Variants in RCCD1 observed in about 807,000 individuals in gnomAD.
RCCD1 encodes the protein RCC1 domain-containing protein 1.
RCCD1 carries 40 observed loss-of-function variants against 37.6 expected under a neutral mutation model. That is an observed-to-expected ratio of 1.06 (90% confidence interval 0.83 to 1.39). The LOEUF (loss-of-function observed/expected upper bound fraction) is 1.39, where lower values mean the gene tolerates loss of function less well. RCCD1 is among the 40% of genes most tolerant of loss of function. The pLI, the probability that RCCD1 is intolerant of heterozygous loss-of-function variation, is 0.00. For missense variants in RCCD1, 577 were observed against 517.3 expected (o/e 1.12, Z -1.12); for synonymous variants, 263 against 230.0 (o/e 1.14, Z -1.30).
chr15:90,956,807 C>T lies in RCCD1; in HGVS notation c.73C>T (p.Arg25Cys), dbSNP rs895895898. Residue 25 changes from arginine (R) to cysteine (C), a missense_variant, in exon 2 of 8, where the codon CGC becomes TGC. Physicochemically the swap from Arg to Cys is radical, Grantham distance 180. Coordinates refer to ENST00000394258, the MANE Select transcript of RCCD1 (RefSeq NM_001017919.2). ...CGFGQELGSG[R>C]GRQVHSPSPL... Reference sequence around the variant, plus strand: ...CTTCGGGCAGGAGCTGGGCTCCGGACGCGGGCGCCAGGTGCACAGCCCCAG... The same window carrying T: ...CTTCGGGCAGGAGCTGGGCTCCGGATGCGGGCGCCAGGTGCACAGCCCCAG... The T allele has an allele frequency of 2.3e-6, 3 of 1,309,530 alleles. No individual in the cohort carries two copies. Among genetic ancestry groups the T allele is most frequent in the Admixed American group, 3.2e-5 (1 of 30,954 alleles). 81.1% of individuals were successfully genotyped at this position (1,309,530 alleles called of 1,614,324 possible).
chr15:90,959,767 G>C (rs565199449), intron 4 of RCCD1, 133 bp from the exon 5 acceptor site: 3 of 609,764 alleles, frequency 4.9e-6, no homozygotes, highest in East Asian at 5.6e-5. Context: ...GAGGGGAAGC[G>C]CCTTGGCCTG....
Position 90,961,775 on chromosome 15 carries a change from G to A in RCCD1, c.*6G>A. On this transcript the variant is annotated 3_prime_UTR_variant, in exon 8 of 8. Transcript: ENST00000394258. The stretch of plus-strand genomic sequence containing the variant: ...TGGAGAAAGGGAAGAGCTGACATGT[G>A]TACGTATATGTATATGCAACACCTG... The A allele has an allele frequency of 6.2e-7, 1 of 1,611,430 alleles. No homozygotes were observed.
At chr15:90,957,807 T>A in intron 4 of RCCD1, 82 bp downstream of exon 4, 1 of 1,488,084 alleles carries the variant, frequency 6.7e-7, no homozygotes, top group Middle Eastern at 1.8e-4. Context: ...GGTGGGGGCC[T>A]ACCCAGGCCT....
chr15:90,956,356 C>A (rs1427662084), intron 1 of RCCD1, among the ~76,000 whole-genome samples: 1 of 152,148 alleles, frequency 6.6e-6, no homozygotes, highest in Non-Finnish European at 1.5e-5. Context: ...GTGCCAGATG[C>A]TGGGAAGCTG....
At chr15:90,956,110 C>CA (rs2037186647) in intron 1 of RCCD1, among the ~76,000 whole-genome samples, 1 of 152,140 alleles carries the variant, frequency 6.6e-6, no homozygotes, top group Admixed American at 6.5e-5. Context: ...CAGTTGGACT[C>CA]AGGTGGATTG....
At chr15:90,958,461 TA>T (rs915371522) in intron 4 of RCCD1, among the ~76,000 whole-genome samples, 3 of 149,652 alleles carry the variant, frequency 2.0e-5, no homozygotes, top group Admixed American at 6.7e-5. Context: ...ACCCCGTCTC[TA>T]AAAAAAAATA....
Position 90,957,196 on chromosome 15 carries a change from G to T in RCCD1, c.250G>T (p.Ala84Ser). ...CGCGTGGGCCTCGGAGGGGCTCCTC[G>T]CGGTGCTGCGCGCCGGGCCGGGGCC... ...KDAWASEGLL[A>S]VLRAGPGPEA... Residue 84 changes from alanine to serine, a missense_variant, in exon 3 of 8, where the codon GCG becomes TCG. Coordinates refer to ENST00000394258, the MANE Select transcript of RCCD1 (RefSeq NM_001017919.2). 1.4e-6 allele frequency: 2 copies of T among 1,396,200 alleles called. No homozygotes were observed. The highest frequency in any genetic ancestry group is 1.6e-5 in the South Asian group (1 of 62,326). The allele number at this position is 1,396,200 out of a possible 1,614,324, so 86.5% of individuals were successfully genotyped here. A position where few individuals can be genotyped will look rare whatever the true frequency, so the allele number is the denominator to read the frequency against.
At chr15:90,957,089 A>C in intron 2 of RCCD1, 24 bp from the exon 3 acceptor site, 1 of 1,333,760 alleles carries the variant, frequency 7.5e-7, no homozygotes, top group Admixed American at 4.0e-5. Flanking sequence ...CATTCTGGCC[A>C]CCCTGCTCCA....
rs1270594760 is a variant in RCCD1, at chr15:90,957,452, A to G, written c.506A>G (p.His169Arg). 11 of 1,540,270 alleles carry G rather than the reference A, an allele frequency of 7.1e-6. No homozygotes were observed. The highest frequency in any genetic ancestry group is 2.0e-5 in the Admixed American group (1 of 51,020). The change falls in exon 3 of 8, where the codon CAC becomes CGC. Residue 169 changes from histidine to arginine, a missense_variant. Coordinates refer to ENST00000394258, the MANE Select transcript of RCCD1 (RefSeq NM_001017919.2). ...CGCCAGCTGGAGCTGGGCGCCGAGC[A>G]CGCGTTGCTGCTGGACGCTGCTGGC... is the stretch of plus-strand genomic sequence containing the variant. ...RARQLELGAE[H>R]ALLLDAAGQV...
At position 90,957,562 on chromosome 15, in the gene RCCD1, C is replaced by A. The variant is rs757397663; in HGVS notation, c.558-42C>A. On this transcript the variant is annotated intron_variant, in intron 3 of 7. Coordinates refer to ENST00000394258, the MANE Select transcript of RCCD1 (RefSeq NM_001017919.2). ...ATTGGAGAAGCAAGCGGAGCGGGAC[C>A]CCTTAATGCGACTGTAGCTGACGAC... The A allele has an allele frequency of 1.1e-5, 17 of 1,612,688 alleles. No homozygotes were observed. The Admixed American group carries it at 2.8e-4, about 27-fold the overall frequency.
Position 90,961,681 on chromosome 15 carries a change from A to G in RCCD1, c.1043A>G (p.Tyr348Cys). The G allele has an allele frequency of 1.2e-6, 2 of 1,614,168 alleles. No homozygotes were observed. The highest frequency in any genetic ancestry group is 2.2e-5 in the South Asian group (2 of 91,090). The part of the protein sequence containing the change: ...TSLDRPRRVE[Y>C]FVDKQLQVKA... ...TTGGATCGGCCTCGCCGTGTGGAAT[A>G]CTTTGTAGATAAGCAACTCCAAGTA... The change falls in exon 8 of 8, where the codon TAC becomes TGC. Residue 348 changes from tyrosine (Y) to cysteine (C), a missense_variant. Transcript: ENST00000394258.
intron 1 of RCCD1, among the ~76,000 whole-genome samples, 160 bp from the exon 2 acceptor site, chr15:90,956,452 C>A (rs1454229743): frequency 1.3e-5 from 2 of 152,236 alleles, no homozygotes; most frequent in Non-Finnish European, 1.5e-5. Flanking sequence ...TTGTGGCACG[C>A]TGAGCTTGAG....
rs1411617124 is a variant in RCCD1 at position 90,957,170 on chromosome 15, A to T, written c.224A>T (p.Asp75Val). The T allele has an allele frequency of 1.5e-6, 2 of 1,374,484 alleles. No homozygotes were observed. Among genetic ancestry groups the T allele is most frequent in the Non-Finnish European group, 1.9e-6 (2 of 1,070,570 alleles). The allele number at this position is 1,374,484 out of a possible 1,614,324, so 85.1% of individuals were successfully genotyped here. A position where few individuals can be genotyped will look rare whatever the true frequency, so the allele number is the denominator to read the frequency against. Reference sequence around the variant, plus strand: ...AGCGGCGCGGCGGGCCGCTGCAAGGACGCGTGGGCCTCGGAGGGGCTCCTC... The same window carrying T: ...AGCGGCGCGGCGGGCCGCTGCAAGGTCGCGTGGGCCTCGGAGGGGCTCCTC... ...SASGAAGRCK[D>V]AWASEGLLAV... Residue 75 changes from aspartate to valine, a missense_variant, in exon 3 of 8, where the codon GAC becomes GTC. Asp to Val is a radical substitution (Grantham distance 152, BLOSUM62 -3). Transcript: ENST00000394258.
rs2037230077 is a variant in RCCD1 at position 90,957,684 on chromosome 15, C to T, written c.638C>T (p.Ala213Val). ...LLEALQGLVM[A>V]EVAAGGWHSV... ...GAGGCGTTGCAGGGCCTAGTCATGG[C>T]TGAGGTGGCCGCGGGGGGCTGGCAT... is the stretch of plus-strand genomic sequence containing the variant. The change falls in exon 4 of 8, where the codon GCT (alanine) becomes GTT (valine). Residue 213 changes from alanine (A) to valine (V), a missense_variant. Ala to Val is a moderately conservative substitution (Grantham distance 64). Transcript: ENST00000394258. The T allele has an allele frequency of 6.2e-7, 1 of 1,613,574 alleles. No homozygotes were observed. Among genetic ancestry groups the T allele is most frequent in the East Asian group, 2.2e-5 (1 of 44,868 alleles).
At position 90,959,179 on chromosome 15, in the gene RCCD1, T is replaced by C. The variant is rs374836671; in HGVS notation, c.680-721T>C. 9.9e-5 allele frequency among the ~76,000 whole-genome samples: 15 copies of C among 152,262 alleles called. No individual in the cohort carries two copies. The South Asian group carries it at 1.0e-3, about 11-fold the overall frequency. ...CTCTGTGCCTCAGTTGTGAATAAAA[T>C]AGGGATCCTGCGTAAATGGTGATAT... On this transcript the variant is annotated intron_variant, in intron 4 of 7. Transcript: ENST00000394258.
Position 90,962,841 on chromosome 15 carries a change from C to T in RCCD1, c.*1072C>T, listed in dbSNP as rs1329487530. 1 of 152,166 alleles carries T rather than the reference C, an allele frequency of 6.6e-6. No individual in the cohort carries two copies. The highest frequency in any genetic ancestry group is 1.5e-5 in the Non-Finnish European group (1 of 68,044). 9.4% of individuals were successfully genotyped at this position (152,166 alleles called of 1,614,324 possible). A position where few individuals can be genotyped will look rare whatever the true frequency, so the allele number is the denominator to read the frequency against. The stretch of plus-strand genomic sequence containing the variant: ...GAGTTAGTATTCAGAGTATCTTCTG[C>T]TACAATGTAGTTTGTTTCAGTCTCT... On this transcript the variant is annotated 3_prime_UTR_variant, in exon 8 of 8. Coordinates refer to ENST00000394258, the MANE Select transcript of RCCD1 (RefSeq NM_001017919.2).
At chr15:90,959,122 G>C (rs2037263823) in intron 4 of RCCD1, among the ~76,000 whole-genome samples, 1 of 152,068 alleles carries the variant, frequency 6.6e-6, no homozygotes, top group Non-Finnish European at 1.5e-5. Flanking sequence ...CATTGCTCGG[G>C]CCCTGGGACC....
At chr15:90,961,396 G>A (rs1596255503) in intron 7 of RCCD1, 2 of 586,776 alleles carry the variant, frequency 3.4e-6, no homozygotes, top group East Asian at 5.7e-5. Flanking sequence ...GAACATCTTA[G>A]CTTGGATAGC....
At chr15:90,960,112 C>G (rs1407387299) in intron 5 of RCCD1, 114 bp downstream of exon 5, 4 of 993,794 alleles carry the variant, frequency 4.0e-6, no homozygotes, top group Non-Finnish European at 6.0e-6. Flanking sequence ...ATGTGAGCCC[C>G]TTATGGGAGG....
Sources: allele counts gnomAD v4.1 joint callset (sites outside exome capture counted in the v4.1 genomes callset), GRCh38; gene constraint gnomAD v4.1.1; transcripts MANE v1.5; gene names NCBI Gene and HGNC (gene_info 2026-07-23, HGNC 2026-07-21).